NIBAN1: variants seen among roughly 807,000 people sequenced by gnomAD.
NIBAN1 encodes the protein protein Niban 1.
In NIBAN1, 81 loss-of-function variants were observed where a neutral mutation model predicts 75.1. The observed-to-expected ratio is 1.08, with a 90% CI of 0.90 to 1.30. The LOEUF (loss-of-function observed/expected upper bound fraction) is 1.30. Among genes scored for constraint, NIBAN1 ranks in the 50% most tolerant of loss-of-function variants. The pLI, the probability that NIBAN1 is intolerant of heterozygous loss-of-function variation, is 0.00. For missense variants in NIBAN1, 1,133 were observed against 1,128.1 expected (o/e 1.00, Z -0.06); for synonymous variants, 436 against 424.8 (o/e 1.03, Z -0.32).
At chr1:184,873,583 A>G (rs1656163805) in intron 5 of NIBAN1, among the ~76,000 whole-genome samples, 1 of 152,206 alleles carries the variant, frequency 6.6e-6, no homozygotes, top group African/African-American at 2.4e-5. Context: ...AATAACCCTT[A>G]TCTTCCACTA....
At chr1:184,961,469 C>T (rs2102080044) in intron 1 of NIBAN1, among the ~76,000 whole-genome samples, 1 of 152,306 alleles carries the variant, frequency 6.6e-6, no homozygotes, top group South Asian at 2.1e-4. Flanking sequence ...ATCTCATCTC[C>T]TTGCCCAATT....
Position 184,795,060 on chromosome 1 carries a change from C to T in NIBAN1, c.2704G>A (p.Asp902Asn). ...TCATCTTTGTGTGACAGCAGGACATCCGGGTTTGGAGCATCCTCCACCACC... is the reference window on the plus strand; with the variant it reads ...TCATCTTTGTGTGACAGCAGGACATTCGGGTTTGGAGCATCCTCCACCACC... The part of the protein sequence containing the change: ...QWVVEDAPNP[D>N]VLLSHKDDVK... The change falls in exon 14 of 14, where the codon GAT (aspartate) becomes AAT (asparagine). Residue 902 changes from aspartate to asparagine, a missense_variant. Physicochemically the swap from Asp to Asn is conservative, Grantham distance 23 (BLOSUM62 1). Transcript: ENST00000367511. 6.2e-7 allele frequency: 1 copy of T among 1,613,998 alleles called. No homozygotes were observed. The highest frequency in any genetic ancestry group is 8.5e-7 in the Non-Finnish European group (1 of 1,180,044).
intron 5 of NIBAN1, among the ~76,000 whole-genome samples, chr1:184,845,286 A>T (rs981469252): frequency 2.0e-5 from 3 of 152,230 alleles, no homozygotes; most frequent in Non-Finnish European, 4.4e-5. Flanking sequence ...ATTTTCAGTA[A>T]AGTTCAAGGA....
At chr1:184,839,473 A>G (rs1184220687) in intron 5 of NIBAN1, among the ~76,000 whole-genome samples, 1 of 152,112 alleles carries the variant, frequency 6.6e-6, no homozygotes, top group Non-Finnish European at 1.5e-5. Context: ...AGTACGATAT[A>G]CCACAACCAT....
intron 5 of NIBAN1, among the ~76,000 whole-genome samples, chr1:184,880,123 C>T (rs1171109353): frequency 6.6e-6 from 1 of 152,250 alleles, no homozygotes; most frequent in Admixed American, 6.5e-5. Flanking sequence ...ACTTTGCCAG[C>T]ATTACACCTC....
chr1:184,824,794 G>T (rs1005956328), intron 6 of NIBAN1, among the ~76,000 whole-genome samples: 11 of 151,990 alleles, frequency 7.2e-5, no homozygotes, highest in African/African-American at 2.4e-4. Context: ...GGGGGGAAGG[G>T]GCATATGTCA....
chr1:184,880,362 T>C (rs1437163767), intron 5 of NIBAN1, among the ~76,000 whole-genome samples: 1 of 152,222 alleles, frequency 6.6e-6, no homozygotes, highest in Non-Finnish European at 1.5e-5. Flanking sequence ...ATTGTGACCT[T>C]TCTGAAGTGA....
In NIBAN1 at chr1:184,796,013, G is replaced by A. The variant is rs1231454749; in HGVS notation, c.1751C>T (p.Thr584Ile). ...ALPSESVSSL[T>I]DLKPPTGSNQ... ...TGACCCTGTGGGGGGCTTTAGATCT[G>A]TTAAGCTGGACACACTTTCACTGGG... Residue 584 changes from threonine to isoleucine, a missense_variant, in exon 14 of 14, where the codon ACA (threonine) becomes ATA (isoleucine). Coordinates refer to ENST00000367511, the MANE Select transcript of NIBAN1 (RefSeq NM_052966.4). 1.7e-5 allele frequency: 28 copies of A among 1,612,134 alleles called. No individual in the cohort carries two copies. The highest frequency in any genetic ancestry group is 2.4e-5 in the Non-Finnish European group (28 of 1,179,850).
chr1:184,839,698 C>T (rs1475477683), intron 5 of NIBAN1, among the ~76,000 whole-genome samples: 7 of 151,970 alleles, frequency 4.6e-5, no homozygotes, highest in Admixed American at 2.6e-4. Flanking sequence ...CGGGTTCAAG[C>T]GATTATCCTG....
intron 1 of NIBAN1, among the ~76,000 whole-genome samples, chr1:184,924,263 G>A (rs996522007): frequency 5.9e-5 from 9 of 152,142 alleles, no homozygotes; most frequent in Middle Eastern, 3.4e-3. Flanking sequence ...AAGGGATGTC[G>A]AATTTTATCA....
chr1:184,818,752 C>G lies in NIBAN1; in HGVS notation c.1059G>C (p.Glu353Asp). The G allele has an allele frequency of 1.9e-6, 3 of 1,613,386 alleles. No homozygotes were observed. The African/African-American group carries it at 4.0e-5, about 21-fold the overall frequency. ...VQPFLASILE[E>D]LMGPVSSGFS... ...ATCCCGAGCTCACTGGTCCCATGAG[C>G]TCCTCCAGGATGGATGCCAGGAATG... is the stretch of plus-strand genomic sequence containing the variant. Residue 353 changes from glutamate (E) to aspartate (D), a missense_variant, in exon 9 of 14, where the codon GAG becomes GAC. Physicochemically the swap from Glu to Asp is conservative, Grantham distance 45 (BLOSUM62 2). Transcript: ENST00000367511.
At chr1:184,903,317 C>T (rs78473397) in intron 1 of NIBAN1, among the ~76,000 whole-genome samples, 7,612 of 152,300 alleles carry the variant, frequency 0.05, 343 homozygotes, top group Admixed American at 0.15. Flanking sequence ...TCACTTGACC[C>T]TAAGCTGCTC....
Position 184,795,857 on chromosome 1 carries a change from T to A in NIBAN1, c.1907A>T (p.Lys636Ile). 6.2e-7 allele frequency: 1 copy of A among 1,611,542 alleles called. No homozygotes were observed. The highest frequency in any genetic ancestry group is 2.2e-5 in the East Asian group (1 of 44,836). The change falls in exon 14 of 14, where the codon AAA becomes ATA. Residue 636 changes from lysine (K) to isoleucine (I), a missense_variant. By Grantham distance (102) the Lys-to-Ile change is moderately radical. Transcript: ENST00000367511. Reference protein sequence around the residue: ...KQPEVPSSLAKGESLSLPGPS... With the variant: ...KQPEVPSSLAIGESLSLPGPS... ...CCCAGGGAGAGAAAGGCTTTCTCCT[T>A]TGGCCAACGAGCTAGGGACCTCAGG...
At chr1:184,855,824 T>A (rs1378171464) in intron 5 of NIBAN1, among the ~76,000 whole-genome samples, 1 of 152,210 alleles carries the variant, frequency 6.6e-6, no homozygotes, top group Non-Finnish European at 1.5e-5. Flanking sequence ...AATAAATATT[T>A]GTTGAATAAA....
intron 5 of NIBAN1, among the ~76,000 whole-genome samples, chr1:184,866,718 A>G (rs551325931): frequency 1.5e-3 from 227 of 152,310 alleles, no homozygotes; most frequent in African/African-American, 5.1e-3. Context: ...ACTAGAAATC[A>G]GAAGAAAACC....
chr1:184,948,014 A>C (rs1488080261), intron 1 of NIBAN1, among the ~76,000 whole-genome samples: 1 of 152,188 alleles, frequency 6.6e-6, no homozygotes, highest in Non-Finnish European at 1.5e-5. Context: ...ATGTCCCCCA[A>C]ATGTTCCACT....
intron 1 of NIBAN1, among the ~76,000 whole-genome samples, chr1:184,915,624 A>G (rs1376599490): frequency 3.3e-5 from 5 of 152,188 alleles, no homozygotes; most frequent in African/African-American, 1.2e-4. Flanking sequence ...GGGTAGCTTG[A>G]AGGATGGATG....
intron 8 of NIBAN1, among the ~76,000 whole-genome samples, chr1:184,821,979 G>A (rs1654714586): frequency 6.6e-6 from 1 of 152,124 alleles, no homozygotes; most frequent in Non-Finnish European, 1.5e-5. Flanking sequence ...AAGGGGGCCT[G>A]AACTGCAGAG....
At chr1:184,803,825 C>T in intron 11 of NIBAN1, 133 bp from the exon 12 acceptor site, 1 of 692,714 alleles carries the variant, frequency 1.4e-6, no homozygotes, top group African/African-American at 1.8e-5. Context: ...TCCAAGGCCT[C>T]AGAGATCTTT....
Sources: allele counts gnomAD v4.1 joint callset (sites outside exome capture counted in the v4.1 genomes callset), GRCh38; gene constraint gnomAD v4.1.1; transcripts MANE v1.5; gene names NCBI Gene and HGNC (gene_info 2026-07-23, HGNC 2026-07-21).